The following RBFOX1 variants were observed in gnomAD, a reference collection of about 807,000 sequenced individuals.
RBFOX1 encodes RNA binding protein fox-1 homolog 1.
RBFOX1 carries 8 observed loss-of-function variants against 57.7 expected under a neutral mutation model. The observed-to-expected ratio is 0.14, with a 90% CI of 0.08 to 0.25. The LOEUF (loss-of-function observed/expected upper bound fraction) is 0.25. RBFOX1 is among the 10% of genes least tolerant of loss of function. The probability of loss-of-function intolerance (pLI) is 1.00; values close to 1 mark genes in which losing one functional copy is unlikely to be tolerated. For synonymous variants in RBFOX1, 326 were observed against 222.4 expected (o/e 1.47, Z -4.15); for missense variants, 611 against 548.5 (o/e 1.11, Z -1.14).
rs117575677 is a variant in RBFOX1 at position 6,687,827 on chromosome 16, C to A, written c.-16+33177C>A. ...GCTAGAACAAGTCACATGGGCCCAA[C>A]CTAACTCCAAAGGAGTCTGGGAAAT... On this transcript the variant is annotated intron_variant, in intron 3 of 15. Coordinates refer to ENST00000550418, the MANE Select transcript of RBFOX1 (RefSeq NM_018723.4). Among the ~76,000 whole-genome samples the A allele has an allele frequency of 3.9e-3, 599 of 152,256 alleles. 11 individuals carry two copies. Among genetic ancestry groups the A allele is most frequent in the Admixed American group, 0.029 (438 of 15,304 alleles).
intron 4 of RBFOX1, among the ~76,000 whole-genome samples, chr16:7,155,761 ACAC>A (rs1167060632): frequency 6.9e-6 from 1 of 145,398 alleles, no homozygotes; most frequent in Non-Finnish European, 1.5e-5. Context: ...ACACACACAC[ACAC>A]ATATATATAC....
intron 4 of RBFOX1, among the ~76,000 whole-genome samples, chr16:7,480,353 C>A (rs1285866424): frequency 6.6e-6 from 1 of 152,158 alleles, no homozygotes; most frequent in Non-Finnish European, 1.5e-5. Flanking sequence ...GTAGCACTAT[C>A]CTTTTACTGT....
At chr16:7,118,196 A>C (rs1441063346) in intron 4 of RBFOX1, among the ~76,000 whole-genome samples, 1 of 152,134 alleles carries the variant, frequency 6.6e-6, no homozygotes, top group Non-Finnish European at 1.5e-5. Flanking sequence ...GCTAATTTAC[A>C]TTCCCACCAG....
At chr16:7,603,735 A>C (rs1225509587) in intron 9 of RBFOX1, among the ~76,000 whole-genome samples, 1 of 152,136 alleles carries the variant, frequency 6.6e-6, no homozygotes, top group East Asian at 1.9e-4. Context: ...GGGAAAGGGA[A>C]AAAGGGAAGT....
At chr16:5,293,395 A>T (rs572579650) in intron 1 of RBFOX1, among the ~76,000 whole-genome samples, 147 of 152,252 alleles carry the variant, frequency 9.7e-4, no homozygotes, top group African/African-American at 3.5e-3. Context: ...ATCTTCAATG[A>T]GATGTCCCTC....
intron 3 of RBFOX1, among the ~76,000 whole-genome samples, chr16:6,772,712 G>T (rs530936914): frequency 8.7e-5 from 13 of 149,894 alleles, no homozygotes; most frequent in African/African-American, 3.2e-4. Context: ...GGATGCATTT[G>T]TATGTGTGTG....
At chr16:7,223,285 G>C (rs1460774048) in intron 4 of RBFOX1, among the ~76,000 whole-genome samples, 2 of 152,178 alleles carry the variant, frequency 1.3e-5, no homozygotes, top group African/African-American at 4.8e-5. Flanking sequence ...GTGAAACCCT[G>C]GGTGTCTCTT....
intron 5 of RBFOX1, among the ~76,000 whole-genome samples, chr16:7,554,878 T>C (rs1462433139): frequency 6.6e-6 from 1 of 152,140 alleles, no homozygotes; most frequent in Non-Finnish European, 1.5e-5. Flanking sequence ...AATACTTAGC[T>C]ATTAGGGAGA....
chr16:6,616,745 T>C (rs989277793), intron 2 of RBFOX1, among the ~76,000 whole-genome samples: 13 of 152,198 alleles, frequency 8.5e-5, no homozygotes, highest in Admixed American at 6.5e-5. Context: ...ATAAGTTTTC[T>C]TAATTCATTG....
chr16:6,106,699 G>A lies in RBFOX1; in HGVS notation c.-127+86707G>A, dbSNP rs543764673. On this transcript the variant is annotated intron_variant, in intron 1 of 15. Coordinates refer to ENST00000550418, the MANE Select transcript of RBFOX1 (RefSeq NM_018723.4). The stretch of plus-strand genomic sequence containing the variant: ...TTTCCTTTTTTTGAGACGGAGTGTC[G>A]CTCTGTTGCCCAGGGTGGAGTGCAG... 9.1e-4 allele frequency among the ~76,000 whole-genome samples: 138 copies of A among 151,992 alleles called. 1 individual carries two copies. Among genetic ancestry groups the A allele is most frequent in the African/African-American group, 2.8e-3 (117 of 41,448 alleles).
At chr16:5,559,452 A>T (rs1213145304) in intron 2 of RBFOX1, among the ~76,000 whole-genome samples, 2 of 152,136 alleles carry the variant, frequency 1.3e-5, no homozygotes, top group African/African-American at 4.8e-5. Context: ...ACATACTGTC[A>T]AAACAAGCCG....
chr16:6,795,739 C>T (rs998194840), intron 3 of RBFOX1, among the ~76,000 whole-genome samples: 1 of 150,854 alleles, frequency 6.6e-6, no homozygotes, highest in South Asian at 2.1e-4. Context: ...GCACTCTAGC[C>T]TGGGTGACAG....
chr16:7,639,356 T>C (rs1022583138), intron 11 of RBFOX1, among the ~76,000 whole-genome samples: 1 of 152,232 alleles, frequency 6.6e-6, no homozygotes, highest in Non-Finnish European at 1.5e-5. Flanking sequence ...TCTTTTGCTA[T>C]GGTTCAGCAT....
intron 1 of RBFOX1, among the ~76,000 whole-genome samples, chr16:5,395,508 G>C (rs1290767253): frequency 6.6e-6 from 1 of 152,196 alleles, no homozygotes; most frequent in East Asian, 1.9e-4. Context: ...CTGCGTGGTT[G>C]AGGGAAATTT....
intron 3 of RBFOX1, among the ~76,000 whole-genome samples, chr16:5,611,818 C>CCACA (rs2047822959): frequency 7.5e-6 from 1 of 132,924 alleles, no homozygotes; most frequent in Non-Finnish European, 1.6e-5. Context: ...ACCCACCCAC[C>CCACA]CATTCATCTA....
intron 4 of RBFOX1, among the ~76,000 whole-genome samples, chr16:7,320,006 C>A (rs1039699699): frequency 4.6e-5 from 7 of 152,158 alleles, no homozygotes; most frequent in African/African-American, 1.7e-4. Flanking sequence ...TCTAGGACTG[C>A]CTTTTATGCA....
intron 5 of RBFOX1, among the ~76,000 whole-genome samples, chr16:7,528,294 G>A (rs2079158052): frequency 6.6e-6 from 1 of 152,076 alleles, no homozygotes; most frequent in South Asian, 2.1e-4. Context: ...TGTATTTATT[G>A]TCATCAGTTT....
chr16:7,041,342 A>T (rs1014510160), intron 3 of RBFOX1, among the ~76,000 whole-genome samples: 1 of 152,130 alleles, frequency 6.6e-6, no homozygotes, highest in African/African-American at 2.4e-5. Flanking sequence ...CAAAGACAAG[A>T]GAGTCTGTGG....
At chr16:7,544,945 A>T (rs1402493654) in intron 5 of RBFOX1, among the ~76,000 whole-genome samples, 1 of 152,156 alleles carries the variant, frequency 6.6e-6, no homozygotes, top group Non-Finnish European at 1.5e-5. Context: ...CTCCAATAGC[A>T]GCTCAGTTAC....
Sources: gnomAD v4.1 joint callset for allele counts (sites outside exome capture counted in the v4.1 genomes callset) on GRCh38, gnomAD v4.1.1 for gene constraint, MANE v1.5 for transcripts, NCBI Gene and HGNC (gene_info 2026-07-23, HGNC 2026-07-21) for gene names.